SGK1: variants seen among roughly 807,000 people sequenced by gnomAD.
SGK1 encodes the protein serum/glucocorticoid regulated kinase 1.
In SGK1, 26 loss-of-function variants were observed where a neutral mutation model predicts 64.2. That is an observed-to-expected ratio of 0.40 (90% CI 0.30 to 0.56). The LOEUF (loss-of-function observed/expected upper bound fraction) is 0.56. Ranked by LOEUF, SGK1 falls within the 20% of genes least tolerant of loss-of-function variation. SGK1 has a pLI of 0.38. For missense variants in SGK1, 519 were observed against 645.6 expected (o/e 0.80, Z 2.12); for synonymous variants, 265 against 239.7 (o/e 1.11, Z -0.98).
At chr6:134,249,994 A>G (rs1183627959) in intron 2 of SGK1, among the ~76,000 whole-genome samples, 1 of 152,178 alleles carries the variant, frequency 6.6e-6, no homozygotes, top group Non-Finnish European at 1.5e-5. Context: ...TTAACTAGAG[A>G]GCTACCTATC....
chr6:134,254,955 G>A (rs1335303946), intron 2 of SGK1, among the ~76,000 whole-genome samples: 2 of 151,808 alleles, frequency 1.3e-5, no homozygotes, highest in African/African-American at 2.4e-5. Context: ...TGCAACCTCC[G>A]CCTCCCGGGT....
intron 3 of SGK1, among the ~76,000 whole-genome samples, chr6:134,185,251 T>C (rs1162459623): frequency 6.6e-6 from 1 of 152,242 alleles, no homozygotes; most frequent in Non-Finnish European, 1.5e-5. Flanking sequence ...GTTTTCTTTC[T>C]GTCTTGCAGC....
In SGK1 at chr6:134,174,533, T is replaced by A. The variant is rs1308402608; in HGVS notation, c.415A>T (p.Asn139Tyr). 6.2e-7 allele frequency: 1 copy of A among 1,613,652 alleles called. No homozygotes were observed. Among genetic ancestry groups the A allele is most frequent in the East Asian group, 2.2e-5 (1 of 44,888 alleles). The part of the protein sequence containing the change: ...GLNDFIQKIA[N>Y]NSYACKHPEV... ...TACTGTTTGCATGCATAGGAGTTAT[T>A]GGCAATCTTCTGAATAAAGTCGTTC... Residue 139 changes from asparagine (N) to tyrosine (Y), a missense_variant, in exon 4 of 14, where the codon AAT (asparagine) becomes TAT (tyrosine). Transcript: ENST00000367858.
rs559135540 is a variant in SGK1 at position 134,174,378 on chromosome 6, T to C, written c.437+133A>G. Reference sequence around the variant, plus strand: ...AATGTTTAAAATGTGTCAAATATATTAGAATTTAAGGAGAAATGAGATCCC... The same window carrying C: ...AATGTTTAAAATGTGTCAAATATATCAGAATTTAAGGAGAAATGAGATCCC... On this transcript the variant is annotated intron_variant, in intron 4 of 13. Transcript: ENST00000367858. 5.9e-4 allele frequency: 389 copies of C among 656,824 alleles called. 1 individual carries two copies. In the African/African-American group the frequency reaches 6.3e-3, roughly 11 times the overall value. 40.7% of individuals were successfully genotyped at this position (656,824 alleles called of 1,614,324 possible).
intron 3 of SGK1, among the ~76,000 whole-genome samples, chr6:134,204,132 T>G (rs530266608): frequency 1.3e-5 from 2 of 150,552 alleles, no homozygotes; most frequent in Non-Finnish European, 3.0e-5. Flanking sequence ...AAGCAAAAAT[T>G]GACTGAATTA....
intron 2 of SGK1, chr6:134,260,148 C>T (rs1047621443): frequency 6.6e-6 from 1 of 151,902 alleles, no homozygotes; most frequent in African/African-American, 2.4e-5. Context: ...CAAGACCAGC[C>T]TGGTCAGTAT....
intron 2 of SGK1, among the ~76,000 whole-genome samples, chr6:134,224,617 A>G (rs1326735601): frequency 6.6e-6 from 1 of 152,026 alleles, no homozygotes; most frequent in Non-Finnish European, 1.5e-5. Context: ...TTTCTATTCT[A>G]TTTATTTTTA....
At chr6:134,272,732 G>A (rs1162112220) in intron 1 of SGK1, among the ~76,000 whole-genome samples, 1 of 147,894 alleles carries the variant, frequency 6.8e-6, no homozygotes, top group Non-Finnish European at 1.5e-5. Flanking sequence ...ATGGCAATTT[G>A]TTCATTAAAT....
chr6:134,220,022 G>A, intron 2 of SGK1, among the ~76,000 whole-genome samples: 1 of 115,082 alleles, frequency 8.7e-6, no homozygotes, highest in East Asian at 2.6e-4. Flanking sequence ...TCCCGCCACT[G>A]CAGTCCAGCC....
chr6:134,275,354 T>A (rs1777003990), intron 1 of SGK1, among the ~76,000 whole-genome samples: 1 of 152,164 alleles, frequency 6.6e-6, no homozygotes, highest in East Asian at 1.9e-4. Flanking sequence ...GCCTCCCTTT[T>A]TAATCTTAAC....
At chr6:134,316,765 AAAAAAAAG>A (rs1777691473) in intron 1 of SGK1, among the ~76,000 whole-genome samples, 1 of 150,814 alleles carries the variant, frequency 6.6e-6, no homozygotes, top group Non-Finnish European at 1.5e-5. Context: ...AAAAAAAAAA[AAAAAAAAG>A]GCAGTTATTC....
chr6:134,213,748 T>C (rs543776572), intron 2 of SGK1, among the ~76,000 whole-genome samples: 7 of 152,244 alleles, frequency 4.6e-5, no homozygotes, highest in Admixed American at 6.5e-5. Context: ...TGAATCCACA[T>C]GGGCTCTTTG....
At chr6:134,188,879 C>T (rs529756182) in intron 3 of SGK1, among the ~76,000 whole-genome samples, 10 of 150,666 alleles carry the variant, frequency 6.6e-5, no homozygotes, top group African/African-American at 2.4e-4. Context: ...GCTACAGGCA[C>T]ATGCCACCAT....
intron 1 of SGK1, among the ~76,000 whole-genome samples, chr6:134,262,862 C>G (rs201379664): frequency 6.6e-6 from 1 of 151,370 alleles, no homozygotes; most frequent in African/African-American, 2.4e-5. Flanking sequence ...GGCAAAATAG[C>G]GAAACTTTGT....
intron 1 of SGK1, among the ~76,000 whole-genome samples, chr6:134,307,672 T>C (rs558871272): frequency 6.6e-6 from 1 of 152,374 alleles, no homozygotes; most frequent in South Asian, 2.1e-4. Flanking sequence ...AAGAAAGGTA[T>C]GTACGTGTTC....
chr6:134,206,379 A>T (rs1409346867), intron 3 of SGK1, among the ~76,000 whole-genome samples: 362 of 4,460 alleles, frequency 0.081, 16 homozygotes, highest in South Asian at 0.2. Context: ...ATATATATAT[A>T]TATATTTTTT....
chr6:134,178,618 G>A (rs775690642), intron 3 of SGK1, among the ~76,000 whole-genome samples: 19 of 152,180 alleles, frequency 1.2e-4, no homozygotes, highest in Non-Finnish European at 2.5e-4. Flanking sequence ...AGTGGTCCGA[G>A]TAGCCTCCCG....
At chr6:134,239,180 T>C (rs1776407633) in intron 2 of SGK1, among the ~76,000 whole-genome samples, 1 of 152,238 alleles carries the variant, frequency 6.6e-6, no homozygotes, top group Non-Finnish European at 1.5e-5. Context: ...GACAGCCATC[T>C]GGTGCAAAGG....
chr6:134,215,511 G>A (rs1388649594), intron 2 of SGK1, among the ~76,000 whole-genome samples: 3 of 152,222 alleles, frequency 2.0e-5, no homozygotes, highest in Admixed American at 6.5e-5. Flanking sequence ...GAATTGTGGT[G>A]GAATTGGTAG....
Sources: allele counts gnomAD v4.1 joint callset (sites outside exome capture counted in the v4.1 genomes callset), GRCh38; gene constraint gnomAD v4.1.1; transcripts MANE v1.5; gene names NCBI Gene and HGNC (gene_info 2026-07-23, HGNC 2026-07-21).